Variants in CDYL2 observed in about 807,000 individuals in gnomAD.
CDYL2 encodes chromodomain Y like 2.
Under a neutral mutation model 49.4 loss-of-function variants are expected in CDYL2, and 23 were observed. The ratio of observed to expected loss-of-function variants is 0.47; its 90% confidence interval spans 0.34 to 0.66. CDYL2 has a LOEUF of 0.66. Ranked by LOEUF, CDYL2 falls within the 30% of genes least tolerant of loss-of-function variation. The pLI is 0.01. For missense variants in CDYL2, 678 were observed against 656.4 expected, an observed-to-expected ratio of 1.03 and a Z score of -0.36; for synonymous variants, 360 against 268.8, an observed-to-expected ratio of 1.34 and a Z score of -3.32.
chr16:80,647,086 T>G (rs1192680757), intron 2 of CDYL2, among the ~76,000 whole-genome samples: 1 of 151,896 alleles, frequency 6.6e-6, no homozygotes, highest in African/African-American at 2.4e-5. Context: ...GAAAAAGAAA[T>G]TAAAAAGTTA....
chr16:80,700,234 A>T (rs1299309802), intron 1 of CDYL2, among the ~76,000 whole-genome samples: 1 of 152,250 alleles, frequency 6.6e-6, no homozygotes, highest in East Asian at 1.9e-4. Context: ...TAGAAAGTTA[A>T]ACAAAAATCT....
intron 1 of CDYL2, among the ~76,000 whole-genome samples, chr16:80,778,624 G>A (rs1034438639): frequency 1.1e-4 from 17 of 152,028 alleles, no homozygotes; most frequent in Admixed American, 3.9e-4. Context: ...ATAAGACTCA[G>A]TATCACAGAG....
intron 2 of CDYL2, 110 bp from the exon 3 acceptor site, chr16:80,633,346 C>T: frequency 9.4e-7 from 1 of 1,063,886 alleles, no homozygotes; most frequent in Admixed American, 2.1e-5. Context: ...TGTGCTGGGA[C>T]ACACCACCTT....
At chr16:80,778,016 A>T (rs56931812) in intron 1 of CDYL2, among the ~76,000 whole-genome samples, 5,512 of 151,738 alleles carry the variant, frequency 0.036, 343 homozygotes, top group African/African-American at 0.13. Flanking sequence ...GGAAATTTTT[A>T]AAAAAATCTG....
rs542078840 is a variant in CDYL2 at position 80,730,371 on chromosome 16, C to G, written c.25-45242G>C. Among the ~76,000 whole-genome samples the G allele has an allele frequency of 2.7e-3, 412 of 151,978 alleles. 1 individual carries two copies. The highest frequency in any genetic ancestry group is 4.5e-3 in the Non-Finnish European group (303 of 67,874). On this transcript the variant is annotated intron_variant, in intron 1 of 6. Transcript: ENST00000570137. ...ATCTAGAAGAAATGGATAAATTCCTCGACACATACACTCTCCCAAGACTAA... is the reference window on the plus strand; with the variant it reads ...ATCTAGAAGAAATGGATAAATTCCTGGACACATACACTCTCCCAAGACTAA...
At chr16:80,792,608 T>A (rs1159903731) in intron 1 of CDYL2, among the ~76,000 whole-genome samples, 1 of 152,020 alleles carries the variant, frequency 6.6e-6, no homozygotes, top group South Asian at 2.1e-4. Flanking sequence ...AGGTGACAGG[T>A]GTGTTCTGGG....
chr16:80,662,717 T>C (rs1370535223), intron 2 of CDYL2: 1 of 455,822 alleles, frequency 2.2e-6, no homozygotes. Flanking sequence ...AATTTTTTAA[T>C]TTTAACTAAT....
intron 2 of CDYL2, among the ~76,000 whole-genome samples, chr16:80,677,754 A>AAAAAAAAAAT (rs1909814372): frequency 6.6e-6 from 1 of 151,434 alleles, no homozygotes. Flanking sequence ...AATAAAAATA[A>AAAAAAAAAAT]AAATAAAAAT....
chr16:80,612,891 C>A lies in CDYL2; in HGVS notation c.1008-55G>T. 2.7e-6 allele frequency: 4 copies of A among 1,487,962 alleles called. No homozygotes were observed. The highest frequency in any genetic ancestry group is 2.7e-5 in the South Asian group (2 of 74,986). The allele number at this position is 1,487,962 out of a possible 1,614,324, so 92.2% of individuals were successfully genotyped here. A position where few individuals can be genotyped will look rare whatever the true frequency, so the allele number is the denominator to read the frequency against. ...GGTGACTATAGCATGCTAAGCCCCACTGGAACCCTTGACTCTCCCAGGTGC... is the reference window on the plus strand; with the variant it reads ...GGTGACTATAGCATGCTAAGCCCCAATGGAACCCTTGACTCTCCCAGGTGC... On this transcript the variant is annotated intron_variant, in intron 4 of 6. Transcript: ENST00000570137. This position sits in a 1 kb window ranked among gnomAD's most constrained non-coding sequence, Gnocchi z 5.0.
At chr16:80,746,915 T>C (rs1435232973) in intron 1 of CDYL2, among the ~76,000 whole-genome samples, 3 of 152,078 alleles carry the variant, frequency 2.0e-5, no homozygotes, top group Non-Finnish European at 4.4e-5. Flanking sequence ...TAAAAAAAAA[T>C]TAATAGAACT....
intron 1 of CDYL2, among the ~76,000 whole-genome samples, chr16:80,705,514 G>A (rs1356115126): frequency 6.6e-6 from 1 of 152,266 alleles, no homozygotes; most frequent in African/African-American, 2.4e-5. Context: ...AAGGCACACT[G>A]AGGGAACGCA....
At chr16:80,698,246 AACAG>A (rs1904284048) in intron 1 of CDYL2, among the ~76,000 whole-genome samples, 2 of 152,210 alleles carry the variant, frequency 1.3e-5, no homozygotes, top group Non-Finnish European at 2.9e-5. Flanking sequence ...CAAAAGCAAA[AACAG>A]ACAGGATTAT....
intron 1 of CDYL2, among the ~76,000 whole-genome samples, chr16:80,750,989 C>T (rs774118581): frequency 6.6e-6 from 1 of 151,614 alleles, no homozygotes; most frequent in Non-Finnish European, 1.5e-5. Context: ...CACTGCACTC[C>T]AGCCTGGGCG....
intron 6 of CDYL2, among the ~76,000 whole-genome samples, chr16:80,606,025 G>A (rs1015621912): frequency 2.0e-5 from 3 of 152,228 alleles, no homozygotes; most frequent in African/African-American, 7.2e-5. Flanking sequence ...AGCCAGAAGT[G>A]AGGCCTTCGT....
intron 2 of CDYL2, among the ~76,000 whole-genome samples, chr16:80,667,544 TTCTGCATGTCTCCATC>T (rs1183489006): frequency 2.0e-5 from 3 of 152,306 alleles, no homozygotes; most frequent in African/African-American, 7.2e-5. Context: ...CCACAATATC[TTCTGCATGTCTCCATC>T]ACAGCATGAG....
intron 1 of CDYL2, among the ~76,000 whole-genome samples, chr16:80,758,630 C>T (rs71400113): frequency 5.9e-4 from 88 of 149,608 alleles, no homozygotes; most frequent in Non-Finnish European, 1.0e-3. Flanking sequence ...GCAAGCTCTG[C>T]CTCCCTGGTT....
chr16:80,724,227 G>C lies in CDYL2; in HGVS notation c.25-39098C>G, dbSNP rs145286355. Among the ~76,000 whole-genome samples, 26 of 148,248 alleles carry C rather than the reference G, an allele frequency of 1.8e-4. No homozygotes were observed. The East Asian group carries it at 4.8e-3, about 27-fold the overall frequency. ...GGAAGAGGAGAAGAAAGAGGAAGAG[G>C]AGGGGGAGAAAGAGGAAGAAGATGA... On this transcript the variant is annotated intron_variant, in intron 1 of 6. Transcript: ENST00000570137.
At chr16:80,763,479 G>A (rs748616160) in intron 1 of CDYL2, among the ~76,000 whole-genome samples, 1 of 151,960 alleles carries the variant, frequency 6.6e-6, no homozygotes, top group Non-Finnish European at 1.5e-5. Flanking sequence ...AGGCATGGTG[G>A]CAGGCACCTG....
At chr16:80,694,228 C>A (rs1199319517) in intron 1 of CDYL2, among the ~76,000 whole-genome samples, 1 of 152,202 alleles carries the variant, frequency 6.6e-6, no homozygotes, top group African/African-American at 2.4e-5. Context: ...GAATCTAATG[C>A]CACTGCTGAT....
Sources: gnomAD v4.1 joint callset for allele counts (sites outside exome capture counted in the v4.1 genomes callset) on GRCh38, gnomAD v4.1.1 for gene constraint, Gnocchi (gnomAD v3.1) non-coding constraint, MANE v1.5 for transcripts, NCBI Gene and HGNC (gene_info 2026-07-23, HGNC 2026-07-21) for gene names.